The following ZNF37A variants were observed in gnomAD, a reference collection of about 807,000 sequenced individuals.
ZNF37A encodes zinc finger protein 37A.
Under a neutral mutation model 12.3 loss-of-function variants are expected in ZNF37A, and 10 were observed. The observed-to-expected ratio is 0.82, with a 90% CI of 0.50 to 1.38. The LOEUF is 1.38. Among genes scored for constraint, ZNF37A ranks in the 40% most tolerant of loss-of-function variants. ZNF37A has a pLI of 0.00. For synonymous variants in ZNF37A, 207 were observed against 223.0 expected (o/e 0.93, Z 0.64); for missense variants, 580 against 651.2 (o/e 0.89, Z 1.19).
Position 38,135,077 on chromosome 10 carries a change from C to A in ZNF37A, c.239-11655C>A, listed in dbSNP as rs185375734. Among the ~76,000 whole-genome samples, 20 of 152,280 alleles carry A rather than the reference C, an allele frequency of 1.3e-4. No individual in the cohort carries two copies. The East Asian group carries it at 3.9e-3, about 29-fold the overall frequency. On this transcript the variant is annotated intron_variant, in intron 7 of 7. Transcript: ENST00000638053. ...AACAATATAATTTGAATGGATACCA[C>A]TTAAATAGCATACAAAAACTGTTTC...
intron 5 of ZNF37A, among the ~76,000 whole-genome samples, chr10:38,112,793 T>TTCTTTTCTTGTCTTGTCTTGTCTTG (rs1554929952): frequency 1.0e-4 from 5 of 48,784 alleles, no homozygotes; most frequent in Admixed American, 2.6e-4. Flanking sequence ...TTCTTTTCTT[T>TTCTTTTCTTGTCTTGTCTTGTCTTG]TCTTGTCTTG....
chr10:38,146,529 G>A (rs2070257083), intron 7 of ZNF37A, among the ~76,000 whole-genome samples: 1 of 152,168 alleles, frequency 6.6e-6, no homozygotes. Flanking sequence ...CAATGACAAA[G>A]ATACTTGATT....
chr10:38,114,970 A>T, intron 6 of ZNF37A, 89 bp downstream of exon 6: 1 of 1,477,988 alleles, frequency 6.8e-7, no homozygotes, highest in South Asian at 1.4e-5. Flanking sequence ...AAAATATAAT[A>T]ATATTTAGGT....
chr10:38,108,537 T>C (rs2068341209), intron 5 of ZNF37A, among the ~76,000 whole-genome samples: 1 of 151,914 alleles, frequency 6.6e-6, no homozygotes, highest in African/African-American at 2.4e-5. Flanking sequence ...CTTCAAAAAA[T>C]CAATGAATCC....
Position 38,118,076 on chromosome 10 carries a change from T to C in ZNF37A, c.925T>C (p.Tyr309His). ...ATGTCATGAATGTGGGAAGACCTTC[T>C]ATAAGAATTCAGACCTCATTAAACA... ...YECHECGKTF[Y>H]KNSDLIKHQR... Residue 309 changes from tyrosine to histidine, a missense_variant, in exon 8 of 8, where the codon TAT (tyrosine) becomes CAT (histidine). Transcript: ENST00000685332. 1 of 1,613,814 alleles carries C rather than the reference T, an allele frequency of 6.2e-7. No individual in the cohort carries two copies. Among genetic ancestry groups the C allele is most frequent in the Non-Finnish European group, 8.5e-7 (1 of 1,179,912 alleles).
chr10:38,136,085 C>T (rs1181893312), intron 7 of ZNF37A, among the ~76,000 whole-genome samples: 2 of 152,136 alleles, frequency 1.3e-5, no homozygotes, highest in Non-Finnish European at 2.9e-5. Context: ...ATTTATATCT[C>T]ATTCATGAGG....
chr10:38,145,694 G>A (rs2070244146), intron 7 of ZNF37A, among the ~76,000 whole-genome samples: 1 of 152,226 alleles, frequency 6.6e-6, no homozygotes, highest in African/African-American at 2.4e-5. Flanking sequence ...CTCAGTCACT[G>A]TGGCAGATTT....
At chr10:38,126,925 C>T (rs1386624552), downstream of ZNF37A, among the ~76,000 whole-genome samples, 2 of 152,190 alleles carry the variant, frequency 1.3e-5, no homozygotes, top group East Asian at 3.8e-4. Context: ...GAAAAGAGCT[C>T]TACCTAATAA....
At chr10:38,102,036 G>A (rs561377243) in intron 5 of ZNF37A, among the ~76,000 whole-genome samples, 21 of 151,586 alleles carry the variant, frequency 1.4e-4, no homozygotes, top group Admixed American at 1.2e-3. Flanking sequence ...GGGGTTTCAC[G>A]GTATTGGCCA....
At chr10:38,094,865 C>T (rs2504142) in intron 1 of ZNF37A, 66 bp from the exon 2 acceptor site, 62,613 of 152,220 alleles carry the variant, frequency 0.41, 13,085 homozygotes, top group East Asian at 0.5. Context: ...CGGGGAGGGA[C>T]CCTGCAGGCG....
intron 7 of ZNF37A, among the ~76,000 whole-genome samples, chr10:38,133,439 A>G (rs940556147): frequency 6.7e-6 from 1 of 150,314 alleles, no homozygotes; most frequent in Non-Finnish European, 1.5e-5. Flanking sequence ...TACACTAGGT[A>G]TATCTCCTAA....
intron 5 of ZNF37A, among the ~76,000 whole-genome samples, chr10:38,098,794 G>A (rs1267240052): frequency 1.3e-5 from 2 of 152,136 alleles, no homozygotes; most frequent in African/African-American, 4.8e-5. Flanking sequence ...AGAATTGACT[G>A]GTTGCAGTAG....
At chr10:38,115,121 T>C in intron 6 of ZNF37A, 74 bp from the exon 7 acceptor site, 1 of 1,155,194 alleles carries the variant, frequency 8.7e-7, no homozygotes, top group Admixed American at 2.1e-5. Context: ...GTGTGTACTG[T>C]TTGGGGTATA....
downstream of ZNF37A, among the ~76,000 whole-genome samples, chr10:38,126,367 G>A (rs1165960411): frequency 6.6e-6 from 1 of 152,096 alleles, no homozygotes; most frequent in Non-Finnish European, 1.5e-5. Flanking sequence ...ACCACCTGCT[G>A]CCTGTTGATC....
rs2069835140 is a variant in ZNF37A, at chr10:38,123,531, A to C, written c.*4694A>C. ...CACCTTCCACCAAGACCCACCTTTA[A>C]CGCTGAGCATTACCTCTCAAAGTGA... On this transcript the variant is annotated 3_prime_UTR_variant, in exon 8 of 8. Coordinates refer to ENST00000685332, the MANE Select transcript of ZNF37A (RefSeq NM_001324250.3). 1 of 152,100 alleles carries C rather than the reference A, an allele frequency of 6.6e-6. No individual in the cohort carries two copies. The allele number at this position is 152,100 out of a possible 1,614,324, so 9.4% of individuals were successfully genotyped here.
In ZNF37A at chr10:38,124,131, A is replaced by G. The variant is rs1001772962; in HGVS notation, c.*5294A>G. The G allele has an allele frequency of 1.3e-5, 2 of 152,290 alleles. No homozygotes were observed. Among genetic ancestry groups the G allele is most frequent in the Non-Finnish European group, 2.9e-5 (2 of 68,080 alleles). The allele number at this position is 152,290 out of a possible 1,614,324, so 9.4% of individuals were successfully genotyped here. A position where few individuals can be genotyped will look rare whatever the true frequency, so the allele number is the denominator to read the frequency against. On this transcript the variant is annotated 3_prime_UTR_variant, in exon 8 of 8. Coordinates refer to ENST00000685332, the MANE Select transcript of ZNF37A (RefSeq NM_001324250.3). Reference sequence around the variant, plus strand: ...AAATAAAATATGGTACATAAACACAATGGAGTACTATTCAGCCATAAAAAA... The same window carrying G: ...AAATAAAATATGGTACATAAACACAGTGGAGTACTATTCAGCCATAAAAAA...
At chr10:38,112,802 T>TGGTCTCGGTCTCG (rs148186182) in intron 5 of ZNF37A, among the ~76,000 whole-genome samples, 10 of 69,044 alleles carry the variant, frequency 1.4e-4, no homozygotes, top group Admixed American at 3.6e-4. Flanking sequence ...TTTCTTGTCT[T>TGGTCTCGGTCTCG]GTCTTGTCTT....
At chr10:38,128,879 G>T (rs566811406), downstream of ZNF37A, among the ~76,000 whole-genome samples, 1 of 152,204 alleles carries the variant, frequency 6.6e-6, no homozygotes, top group African/African-American at 2.4e-5. Context: ...TCAGCCTCCT[G>T]AGTAGCTGGG....
chr10:38,118,483 TG>T lies in ZNF37A; in HGVS notation c.1334del (p.Gly445GlufsTer14). ...GEKPYECIQCGKFFCYYSGFT... is the reference protein window; with the variant it reads ...GEKPYECIQCXKFFCYYSGFT... The stretch of plus-strand genomic sequence containing the variant: ...AGAAACCTTATGAATGTATTCAGTG[TG>T]GAAAATTTTTCTGCTACTACTCCGG... On this transcript the variant is annotated frameshift_variant, in exon 8 of 8. Transcript: ENST00000685332. LOFTEE classifies it low-confidence loss of function (END_TRUNC). The T allele has an allele frequency of 1.2e-6, 2 of 1,614,034 alleles. No homozygotes were observed. The highest frequency in any genetic ancestry group is 1.7e-6 in the Non-Finnish European group (2 of 1,180,004).
Sources: allele counts gnomAD v4.1 joint callset (sites outside exome capture counted in the v4.1 genomes callset), GRCh38; gene constraint gnomAD v4.1.1; transcripts MANE v1.5; gene names NCBI Gene and HGNC (gene_info 2026-07-23, HGNC 2026-07-21).